Variants in NCALD observed in about 807,000 individuals in gnomAD.
NCALD encodes neurocalcin-delta.
Under a neutral mutation model 18.6 loss-of-function variants are expected in NCALD, and 10 were observed. That is an observed-to-expected ratio of 0.54 (90% CI 0.33 to 0.91). NCALD has a LOEUF of 0.91. Among genes scored for constraint, NCALD ranks in the 40% least tolerant of loss-of-function variants. The pLI is 0.03. For missense variants in NCALD, 184 were observed against 247.6 expected (o/e 0.74, Z 1.72); for synonymous variants, 88 against 87.4 (o/e 1.01, Z -0.04).
At chr8:101,797,433 A>C (rs1472398438) in intron 4 of NCALD, among the ~76,000 whole-genome samples, 4 of 152,236 alleles carry the variant, frequency 2.6e-5, no homozygotes, top group African/African-American at 9.6e-5. Flanking sequence ...GAAACTGTCA[A>C]ATCCAGAAGA....
chr8:101,876,594 T>C (rs965735871), intron 4 of NCALD, among the ~76,000 whole-genome samples: 1 of 152,220 alleles, frequency 6.6e-6, no homozygotes, highest in Non-Finnish European at 1.5e-5. Flanking sequence ...GGCTGATCTC[T>C]GTACTTAAGG....
chr8:101,931,196 T>A lies in NCALD; in HGVS notation c.-156-15338A>T, dbSNP rs540458135. On this transcript the variant is annotated intron_variant, in intron 2 of 6. Transcript: ENST00000311028. ...CCAAGAAGCAGGGAACAAGCAAACA[T>A]CCACCCCAGGTGAAAAAGCCATTTG... Among the ~76,000 whole-genome samples the A allele has an allele frequency of 2.3e-4, 35 of 152,288 alleles. No homozygotes were observed. The South Asian group carries it at 5.6e-3, about 24-fold the overall frequency.
At chr8:101,872,059 G>C (rs1816043991) in intron 4 of NCALD, 4 of 1,392,186 alleles carry the variant, frequency 2.9e-6, no homozygotes, top group Non-Finnish European at 4.1e-6. Context: ...AAATACCATG[G>C]GCAGATTCCT....
At chr8:102,038,010 C>T (rs1490453902) in intron 1 of NCALD, among the ~76,000 whole-genome samples, 2 of 152,158 alleles carry the variant, frequency 1.3e-5, no homozygotes, top group Non-Finnish European at 2.9e-5. Context: ...CCCCCTTTCA[C>T]TCATAAGTCA....
intron 1 of NCALD, among the ~76,000 whole-genome samples, chr8:102,075,417 T>G (rs565081192): frequency 9.2e-5 from 14 of 152,176 alleles, no homozygotes; most frequent in Non-Finnish European, 1.8e-4. Flanking sequence ...GGGACAATAG[T>G]GGTACCAAGG....
At chr8:101,767,003 C>T (rs979748056) in intron 1 of NCALD, among the ~76,000 whole-genome samples, 1 of 152,172 alleles carries the variant, frequency 6.6e-6, no homozygotes, top group Non-Finnish European at 1.5e-5. Flanking sequence ...CACTTATGGA[C>T]ATCTTTCCAT....
At position 101,915,317 on chromosome 8, in the gene NCALD, T is replaced by C. The variant is rs140886775; in HGVS notation, c.-107+492A>G. On this transcript the variant is annotated intron_variant, in intron 3 of 6. Transcript: ENST00000311028. ...GGACCTTGCAGAGCTGCCACACAAA[T>C]TGATGAATTAATTCACCCACACGTT... is the stretch of plus-strand genomic sequence containing the variant. Among the ~76,000 whole-genome samples, 26 of 152,320 alleles carry C rather than the reference T, an allele frequency of 1.7e-4. No homozygotes were observed. In the East Asian group the frequency reaches 4.8e-3, roughly 28 times the overall value.
chr8:102,082,226 CT>C lies in NCALD; in HGVS notation c.-210+42010del, dbSNP rs757875219. Among the ~76,000 whole-genome samples the C allele has an allele frequency of 2.8e-3, 200 of 71,868 alleles. No individual in the cohort carries two copies. The Middle Eastern group carries it at 0.031, about 11-fold the overall frequency. The allele number at this position is 71,868 out of a possible 152,430, so 47.1% of individuals were successfully genotyped here. A position where few individuals can be genotyped will look rare whatever the true frequency, so the allele number is the denominator to read the frequency against. On this transcript the variant is annotated intron_variant, in intron 1 of 6. Coordinates refer to the NCALD transcript ENST00000311028. The stretch of plus-strand genomic sequence containing the variant: ...TGGGCAGTTATTTGAGAAGCTCTCT[CT>C]TTTTTTTTTTTTTTTTTTTTTTTGA...
intron 1 of NCALD, among the ~76,000 whole-genome samples, chr8:102,078,999 T>A (rs1181122182): frequency 6.6e-6 from 1 of 152,156 alleles, no homozygotes; most frequent in African/African-American, 2.4e-5. Flanking sequence ...ACTGCAGAGA[T>A]CAGAAACATG....
intron 4 of NCALD, chr8:101,872,448 T>C: frequency 3.0e-6 from 3 of 1,002,402 alleles, no homozygotes; most frequent in Non-Finnish European, 4.8e-6. Flanking sequence ...GCTGCTCCTC[T>C]TCTGCCTTCT....
intron 2 of NCALD, among the ~76,000 whole-genome samples, chr8:101,707,532 C>T (rs1815585819): frequency 6.6e-6 from 1 of 152,176 alleles, no homozygotes; most frequent in Non-Finnish European, 1.5e-5. Flanking sequence ...CTAAAAGTAG[C>T]AAAACCAAAC....
At chr8:101,963,010 C>T (rs1032200003) in intron 2 of NCALD, among the ~76,000 whole-genome samples, 1 of 152,122 alleles carries the variant, frequency 6.6e-6, no homozygotes, top group African/African-American at 2.4e-5. Context: ...AGCCCTGATT[C>T]ATACCTTTTG....
chr8:102,008,998 T>G (rs1336239508), intron 2 of NCALD, among the ~76,000 whole-genome samples: 1 of 144,388 alleles, frequency 6.9e-6, no homozygotes, highest in Admixed American at 7.3e-5. Flanking sequence ...AAAAGTTTTG[T>G]CTCTCCTATA....
At chr8:102,023,786 A>C (rs1271570074) in intron 1 of NCALD, among the ~76,000 whole-genome samples, 2 of 152,218 alleles carry the variant, frequency 1.3e-5, no homozygotes, top group Non-Finnish European at 2.9e-5. Context: ...TAGTCTGACA[A>C]ATAACAGAAA....
At chr8:102,097,205 A>T (rs1023171657) in intron 1 of NCALD, among the ~76,000 whole-genome samples, 1 of 152,232 alleles carries the variant, frequency 6.6e-6, no homozygotes, top group Non-Finnish European at 1.5e-5. Context: ...ATTTTTAAAA[A>T]GTGAGACTAA....
intron 2 of NCALD, among the ~76,000 whole-genome samples, chr8:102,017,340 G>C (rs1179605116): frequency 1.3e-5 from 2 of 151,494 alleles, no homozygotes; most frequent in Non-Finnish European, 2.9e-5. Flanking sequence ...AAAGCTTAAA[G>C]CTTTAAAATT....
intron 1 of NCALD, among the ~76,000 whole-genome samples, chr8:102,097,537 G>A (rs895476756): frequency 5.3e-5 from 8 of 152,228 alleles, no homozygotes; most frequent in African/African-American, 1.9e-4. Flanking sequence ...GGTGAGACAT[G>A]TAGATGCTGT....
chr8:101,945,351 G>C (rs996819305), intron 2 of NCALD, among the ~76,000 whole-genome samples: 2 of 152,088 alleles, frequency 1.3e-5, no homozygotes, highest in African/African-American at 2.4e-5. Flanking sequence ...GGGGGACGAG[G>C]AGAGGAAGGG....
chr8:102,071,563 C>A (rs1358883122), intron 1 of NCALD, among the ~76,000 whole-genome samples: 4 of 152,002 alleles, frequency 2.6e-5, no homozygotes, highest in Admixed American at 6.6e-5. Flanking sequence ...AGAAGTAAAC[C>A]TTTATTAGCA....
Sources: gnomAD v4.1 joint callset for allele counts (sites outside exome capture counted in the v4.1 genomes callset) on GRCh38, gnomAD v4.1.1 for gene constraint, MANE v1.5 for transcripts, NCBI Gene and HGNC (gene_info 2026-07-23, HGNC 2026-07-21) for gene names.